Variants in NIPA2 observed in about 807,000 individuals in gnomAD.
The protein encoded by NIPA2 is magnesium transporter NIPA2.
In NIPA2, 11 loss-of-function variants were observed where a neutral mutation model predicts 29.7. The ratio of observed to expected loss-of-function variants is 0.37; its 90% CI spans 0.23 to 0.61. NIPA2 has a LOEUF of 0.61. Ranked by LOEUF, NIPA2 falls within the 20% of genes least tolerant of loss-of-function variation. The pLI is 0.66. For synonymous variants in NIPA2, 183 were observed against 161.9 expected (o/e 1.13, Z -0.99); for missense variants, 426 against 437.9 (o/e 0.97, Z 0.24).
intron 3 of NIPA2, among the ~76,000 whole-genome samples, chr15:22,850,146 G>C (rs2057619540): frequency 6.6e-6 from 1 of 152,006 alleles, no homozygotes; most frequent in Non-Finnish European, 1.5e-5. Flanking sequence ...CAGTAAGCCT[G>C]TTTGTGTGTG....
intron 2 of NIPA2, 138 bp downstream of exon 2, chr15:22,839,928 CAT>C (rs1405367090): frequency 6.6e-6 from 1 of 152,056 alleles, no homozygotes; most frequent in Admixed American, 6.5e-5. Flanking sequence ...TTAAATCTAA[CAT>C]GTATTTAATT....
At chr15:22,852,917 T>C (rs1039499077) in intron 4 of NIPA2, among the ~76,000 whole-genome samples, 20 of 152,158 alleles carry the variant, frequency 1.3e-4, no homozygotes, top group Admixed American at 8.5e-4. Context: ...AATGATAGCC[T>C]CTATGGGGTT....
At chr15:22,846,921 G>C (rs1898901464) in intron 3 of NIPA2, among the ~76,000 whole-genome samples, 1 of 139,916 alleles carries the variant, frequency 7.1e-6, no homozygotes, top group Non-Finnish European at 1.5e-5. Flanking sequence ...TTGTTTGTTT[G>C]AGACCGAGTT....
At chr15:22,852,324 G>T (rs186595003) in intron 4 of NIPA2, among the ~76,000 whole-genome samples, 4 of 151,956 alleles carry the variant, frequency 2.6e-5, no homozygotes, top group Non-Finnish European at 5.9e-5. Flanking sequence ...AAAATTAGCC[G>T]GGCATGGTGG....
In NIPA2 at chr15:22,860,698, T is replaced by C. The variant is rs2058556856; in HGVS notation, c.357T>C (p.Ser119=). The change falls in exon 7 of 8, where the codon AGT becomes AGC. Residue 119 remains serine (S), a synonymous_variant. Coordinates refer to ENST00000337451, the MANE Select transcript of NIPA2 (RefSeq NM_030922.7). ...NLHGKIGCLL[S]ILGSTVMVIH... ...ATGGGAAAATTGGGTGTTTGCTAAG[T>C]ATTCTAGGATCTACAGTTATGGTCA... The C allele has an allele frequency of 6.2e-7, 1 of 1,600,346 alleles. No homozygotes were observed. The highest frequency in any genetic ancestry group is 1.3e-5 in the African/African-American group (1 of 74,474).
At position 22,866,213 on chromosome 15, in the gene NIPA2, G is replaced by A. The variant is rs753564414; in HGVS notation, c.449G>A (p.Gly150Asp). Residue 150 changes from glycine to aspartate, a missense_variant and splice_region_variant, in exon 8 of 8, where the codon GGT becomes GAT. Physicochemically the swap from Gly to Asp is moderately conservative, Grantham distance 94. Transcript: ENST00000337451. Reference protein sequence around the residue: ...NEMSHKLGDPGFVVFATLVVI... With the variant: ...NEMSHKLGDPDFVVFATLVVI... ...TGTAACTTTTCTTTGCCTCCTCCAGGTTTTGTGGTCTTTGCAACCCTTGTG... is the reference window on the plus strand; with the variant it reads ...TGTAACTTTTCTTTGCCTCCTCCAGATTTTGTGGTCTTTGCAACCCTTGTG... The A allele has an allele frequency of 2.5e-6, 4 of 1,608,106 alleles. No individual in the cohort carries two copies. Among genetic ancestry groups the A allele is most frequent in the South Asian group, 1.1e-5 (1 of 90,732 alleles).
At chr15:22,852,698 C>T (rs1178943877) in intron 4 of NIPA2, among the ~76,000 whole-genome samples, 4 of 152,120 alleles carry the variant, frequency 2.6e-5, no homozygotes, top group Non-Finnish European at 4.4e-5. Context: ...ATGATTGGCC[C>T]TGCCCTGACT....
At chr15:22,841,098 C>G (rs1896976401) in intron 2 of NIPA2, among the ~76,000 whole-genome samples, 1 of 152,092 alleles carries the variant, frequency 6.6e-6, no homozygotes, top group Non-Finnish European at 1.5e-5. Context: ...TTGAGAACTA[C>G]AGCTAATGAA....
At position 22,866,996 on chromosome 15, in the gene NIPA2, T is replaced by G. The variant is rs1300672731; in HGVS notation, c.*149T>G. On this transcript the variant is annotated 3_prime_UTR_variant, in exon 8 of 8. Transcript: ENST00000337451. The stretch of plus-strand genomic sequence containing the variant: ...ACTAATTTGGACCAAGAAATTACTT[T>G]TCTTGTATTTAAACAAACAATGGTA... The G allele has an allele frequency of 5.5e-6, 4 of 730,280 alleles. No homozygotes were observed. Among genetic ancestry groups the G allele is most frequent in the Non-Finnish European group, 8.6e-6 (4 of 465,052 alleles). 45.2% of individuals were successfully genotyped at this position (730,280 alleles called of 1,614,324 possible).
intron 7 of NIPA2, 46 bp downstream of exon 7, chr15:22,860,835 T>C: frequency 6.8e-7 from 1 of 1,462,674 alleles, no homozygotes; most frequent in Non-Finnish European, 9.3e-7. Context: ...ACTTTTTAAC[T>C]TAGTTTTTAC....
chr15:22,853,851 A>G (rs2141275807), intron 5 of NIPA2, among the ~76,000 whole-genome samples: 1 of 152,062 alleles, frequency 6.6e-6, no homozygotes, highest in South Asian at 2.1e-4. Flanking sequence ...TGTTTTTGAG[A>G]TGGAATCTTG....
intron 2 of NIPA2, among the ~76,000 whole-genome samples, chr15:22,841,633 C>G (rs1027626326): frequency 6.6e-6 from 1 of 152,070 alleles, no homozygotes; most frequent in Non-Finnish European, 1.5e-5. Context: ...CTCAGCCTCC[C>G]GAGTAGCTGG....
Position 22,867,756 on chromosome 15 carries a change from A to ACTT in NIPA2, c.*910_*912dup, listed in dbSNP as rs2059216457. On this transcript the variant is annotated 3_prime_UTR_variant, in exon 8 of 8. Transcript: ENST00000337451. The stretch of plus-strand genomic sequence containing the variant: ...CTAAAAGTCTGAATGCTTAGAACAA[A>ACTT]CTTAACATGTTTATAGAATATGGTC... The ACTT allele has an allele frequency of 6.6e-6, 1 of 152,054 alleles. No individual in the cohort carries two copies. Among genetic ancestry groups the ACTT allele is most frequent in the African/African-American group, 2.4e-5 (1 of 41,280 alleles). The allele number at this position is 152,054 out of a possible 1,614,324, so 9.4% of individuals were successfully genotyped here.
At position 22,867,113 on chromosome 15, in the gene NIPA2, G is replaced by A. The variant is rs150285211; in HGVS notation, c.*266G>A. 120 of 484,668 alleles carry A rather than the reference G, an allele frequency of 2.5e-4. 1 individual carries two copies. Among genetic ancestry groups the A allele is most frequent in the Non-Finnish European group, 3.2e-4 (89 of 278,240 alleles). 30.0% of individuals were successfully genotyped at this position (484,668 alleles called of 1,614,324 possible). A position where few individuals can be genotyped will look rare whatever the true frequency, so the allele number is the denominator to read the frequency against. On this transcript the variant is annotated 3_prime_UTR_variant, in exon 8 of 8. Coordinates refer to ENST00000337451, the MANE Select transcript of NIPA2 (RefSeq NM_030922.7). Reference sequence around the variant, plus strand: ...CATTTTCATCCCTTCTCCAAAAGCCGAATGCACTAATGACAGTTTTAAGTC... The same window carrying A: ...CATTTTCATCCCTTCTCCAAAAGCCAAATGCACTAATGACAGTTTTAAGTC...
chr15:22,860,100 A>T lies in NIPA2; in HGVS notation c.288-529A>T, dbSNP rs570088705. Among the ~76,000 whole-genome samples the T allele has an allele frequency of 6.1e-5, 9 of 148,706 alleles. No individual in the cohort carries two copies. The East Asian group carries it at 1.6e-3, about 26-fold the overall frequency. ...GGCTGGAGTGCAGTGGCGCGATGTC[A>T]GCTCGCTGCAACCTCTGCCTTCTAG... is the stretch of plus-strand genomic sequence containing the variant. On this transcript the variant is annotated intron_variant, in intron 6 of 7. Transcript: ENST00000337451.
At position 22,842,525 on chromosome 15, in the gene NIPA2, T is replaced by A. The variant is rs1897350242; in HGVS notation, c.-215-2621T>A. 1.4e-5 allele frequency among the ~76,000 whole-genome samples: 2 copies of A among 146,886 alleles called. 1 individual carries two copies. Among genetic ancestry groups the A allele is most frequent in the South Asian group, 4.3e-4 (2 of 4,602 alleles). On this transcript the variant is annotated intron_variant, in intron 2 of 7. Transcript: ENST00000337451. ...TAACATGGTGAAACCCCATCTCTAC[T>A]AAAAAAAAAACCCAAAATATTGGCC...
At position 22,861,573 on chromosome 15, in the gene NIPA2, T is replaced by C. The variant is rs529739522; in HGVS notation, c.448+784T>C. 1.6e-4 allele frequency among the ~76,000 whole-genome samples: 25 copies of C among 152,328 alleles called. No homozygotes were observed. The South Asian group carries it at 3.9e-3, about 24-fold the overall frequency. ...CTATTGTGACCACCGTCTTCTCATT[T>C]CTGATGTTGCTGTTGAGAAATTGAA... On this transcript the variant is annotated intron_variant, in intron 7 of 7. Transcript: ENST00000337451.
chr15:22,861,305 C>T (rs1469764690), intron 7 of NIPA2, among the ~76,000 whole-genome samples: 1 of 152,176 alleles, frequency 6.6e-6, no homozygotes, highest in East Asian at 1.9e-4. Context: ...GGAAATTTCT[C>T]TCAGTGCCTT....
chr15:22,852,863 C>T (rs1353768973), intron 4 of NIPA2, among the ~76,000 whole-genome samples: 1 of 152,178 alleles, frequency 6.6e-6, no homozygotes, highest in Non-Finnish European at 1.5e-5. Context: ...CTTCCCTGTG[C>T]CATCTCTGTG....
Sources: allele counts gnomAD v4.1 joint callset (sites outside exome capture counted in the v4.1 genomes callset), GRCh38; gene constraint gnomAD v4.1.1; transcripts MANE v1.5; gene names NCBI Gene and HGNC (gene_info 2026-07-23, HGNC 2026-07-21).